The following ANHX variants were observed in gnomAD, a reference collection of about 807,000 sequenced individuals.
The protein encoded by ANHX is anomalous homeobox.
Under a neutral mutation model 38.9 loss-of-function variants are expected in ANHX, and 20 were observed. The ratio of observed to expected loss-of-function variants is 0.51; its 90% CI spans 0.36 to 0.75. The LOEUF (loss-of-function observed/expected upper bound fraction) is 0.75. ANHX is among the 30% of genes least tolerant of loss of function. ANHX has a pLI of 0.00. For synonymous variants in ANHX, 185 were observed against 203.1 expected (o/e 0.91, Z 0.76); for missense variants, 475 against 493.1 (o/e 0.96, Z 0.35).
At position 133,221,088 on chromosome 12, in the gene ANHX, T is replaced by C. The variant is rs1957102632; in HGVS notation, c.1280+117A>G. ...TGGGGACTGTTACAGTTTTCAGCAA[T>C]CCAAAGGAGAGGACCCTATCTGCAC... On this transcript the variant is annotated intron_variant, in intron 8 of 9. Transcript: ENST00000545940. The surrounding 1 kb of genome is among the most constrained non-coding windows in gnomAD (Gnocchi z 4.1). 2 of 1,325,084 alleles carry C rather than the reference T, an allele frequency of 1.5e-6. No homozygotes were observed. Among genetic ancestry groups the C allele is most frequent in the African/African-American group, 3.0e-5 (2 of 67,300 alleles). The allele number at this position is 1,325,084 out of a possible 1,614,324, so 82.1% of individuals were successfully genotyped here. A position where few individuals can be genotyped will look rare whatever the true frequency, so the allele number is the denominator to read the frequency against.
chr12:133,233,077 A>G (rs1344606173), intron 2 of ANHX, among the ~76,000 whole-genome samples: 2 of 152,242 alleles, frequency 1.3e-5, no homozygotes, highest in African/African-American at 4.8e-5. Context: ...GCCAGGCGCC[A>G]GCCTCTAACA....
chr12:133,224,520 G>C (rs1004473793), intron 7 of ANHX, among the ~76,000 whole-genome samples: 1 of 151,216 alleles, frequency 6.6e-6, no homozygotes, highest in Admixed American at 6.6e-5. Flanking sequence ...AAAATTAGCC[G>C]GGCGTGGTGG....
chr12:133,222,496 G>C (rs1957123310), intron 7 of ANHX, among the ~76,000 whole-genome samples: 3 of 152,172 alleles, frequency 2.0e-5, no homozygotes, highest in Non-Finnish European at 4.4e-5. Context: ...CCCCTCACTT[G>C]AGCAGGCTCC....
chr12:133,235,685 C>A (rs1292096973), intron 1 of ANHX, 122 bp downstream of exon 1: 1 of 138,082 alleles, frequency 7.2e-6, no homozygotes, highest in Non-Finnish European at 1.6e-5. Flanking sequence ...CTCCAGGACC[C>A]CCCCCGCCTG....
In ANHX at chr12:133,221,379, A is replaced by G; in HGVS notation, c.1133-27T>C. ...TGCATGTAATGAGATTCCACGGCAC[A>G]CTGGCAGGAGAAAGGAGCAGAGCCC... On this transcript the variant is annotated intron_variant, in intron 7 of 9. Coordinates refer to ENST00000545940, the MANE Select transcript of ANHX (RefSeq NM_001372060.1). This position sits in a 1 kb window ranked among gnomAD's most constrained non-coding sequence, Gnocchi z 4.1. 1 of 1,525,390 alleles carries G rather than the reference A, an allele frequency of 6.6e-7. No homozygotes were observed. Among genetic ancestry groups the G allele is most frequent in the Non-Finnish European group, 8.8e-7 (1 of 1,140,992 alleles). The allele number at this position is 1,525,390 out of a possible 1,614,324, so 94.5% of individuals were successfully genotyped here.
chr12:133,229,761 C>T (rs1957242208), intron 3 of ANHX, among the ~76,000 whole-genome samples: 1 of 152,218 alleles, frequency 6.6e-6, no homozygotes. Flanking sequence ...AATCCAGCAG[C>T]TACCATGGCT....
intron 8 of ANHX, among the ~76,000 whole-genome samples, chr12:133,220,230 C>CT (rs1189666100): frequency 1.3e-5 from 2 of 152,104 alleles, no homozygotes; most frequent in Non-Finnish European, 2.9e-5. Flanking sequence ...AATGAAGCCA[C>CT]TTTTAACGAA....
At chr12:133,219,566 G>A (rs1957080586) in intron 8 of ANHX, among the ~76,000 whole-genome samples, 199 bp from the exon 9 acceptor site, 2 of 152,156 alleles carry the variant, frequency 1.3e-5, no homozygotes, top group Non-Finnish European at 2.9e-5. Flanking sequence ...AGGGTCACCC[G>A]GTGGGTCATA....
intron 1 of ANHX, chr12:133,235,108 C>G (rs572483296): frequency 6.6e-6 from 1 of 152,278 alleles, no homozygotes; most frequent in Non-Finnish European, 1.5e-5. Flanking sequence ...GCGACCTCGT[C>G]TACTCCACCC....
chr12:133,233,958 C>T, intron 2 of ANHX, 150 bp downstream of exon 2: 1 of 992,234 alleles, frequency 1.0e-6, no homozygotes, highest in South Asian at 1.7e-5. Flanking sequence ...TAAAACCTGC[C>T]TCCCAGGTTT....
chr12:133,226,233 G>C (rs1490854707), intron 6 of ANHX, 85 bp downstream of exon 6: 19 of 1,531,010 alleles, frequency 1.2e-5, no homozygotes, highest in Middle Eastern at 1.7e-4. Context: ...TCACCCTTAG[G>C]CCTACTTCAT....
Position 133,221,475 on chromosome 12 carries a change from G to T in ANHX, c.1133-123C>A. On this transcript the variant is annotated intron_variant, in intron 7 of 9. Coordinates refer to ENST00000545940, the MANE Select transcript of ANHX (RefSeq NM_001372060.1). This position sits in a 1 kb window ranked among gnomAD's most constrained non-coding sequence, Gnocchi z 4.1. The stretch of plus-strand genomic sequence containing the variant: ...CTCCGGCCCAGCCAGCCCGCGCCAC[G>T]TGAACCAGACTCACGGTCCCTGGGC... The T allele has an allele frequency of 8.7e-7, 1 of 1,143,672 alleles. No homozygotes were observed. Among genetic ancestry groups the T allele is most frequent in the Non-Finnish European group, 1.2e-6 (1 of 831,098 alleles). 70.8% of individuals were successfully genotyped at this position (1,143,672 alleles called of 1,614,324 possible). A position where few individuals can be genotyped will look rare whatever the true frequency, so the allele number is the denominator to read the frequency against.
rs1358657209 is a variant in ANHX at position 133,221,689 on chromosome 12, A to C, written c.1133-337T>G. Among the ~76,000 whole-genome samples the C allele has an allele frequency of 2.0e-5, 3 of 152,186 alleles. No homozygotes were observed. The highest frequency in any genetic ancestry group is 4.4e-5 in the Non-Finnish European group (3 of 68,028). On this transcript the variant is annotated intron_variant, in intron 7 of 9. Transcript: ENST00000545940. The surrounding 1 kb of genome is among the most constrained non-coding windows in gnomAD (Gnocchi z 4.1). The stretch of plus-strand genomic sequence containing the variant: ...TCCTGCTGGTGCGGAAGGATGTGCC[A>C]GGAGCCCTCAGTCTCCTCTTGTGGC...
At chr12:133,225,308 CAT>C (rs1363843678) in intron 7 of ANHX, among the ~76,000 whole-genome samples, 3 of 143,994 alleles carry the variant, frequency 2.1e-5, no homozygotes, top group Non-Finnish European at 4.5e-5. Context: ...CAGTGATATG[CAT>C]ACATACACAC....
chr12:133,234,558 G>A, intron 1 of ANHX, 180 bp from the exon 2 acceptor site: 2 of 675,784 alleles, frequency 3.0e-6, no homozygotes, highest in Non-Finnish European at 4.9e-6. Context: ...ACACCCTCTA[G>A]AATTTCCTTC....
intron 2 of ANHX, 36 bp from the exon 3 acceptor site, chr12:133,231,680 C>T (rs1024060006): frequency 6.5e-7 from 1 of 1,534,870 alleles, no homozygotes; most frequent in Non-Finnish European, 8.7e-7. Context: ...TGGCCACCTG[C>T]CCACCCTGGA....
intron 1 of ANHX, chr12:133,234,822 C>A (rs867959077): frequency 3.5e-5 from 6 of 170,934 alleles, no homozygotes; most frequent in African/African-American, 1.2e-4. Context: ...ACGCTTGGTC[C>A]TGCATCCACA....
At chr12:133,224,830 G>A (rs1351162142) in intron 7 of ANHX, among the ~76,000 whole-genome samples, 6 of 151,240 alleles carry the variant, frequency 4.0e-5, no homozygotes, top group South Asian at 2.1e-4. Context: ...AGCCAGGCGT[G>A]GTGGCGGGCG....
chr12:133,230,958 C>A (rs1457582435), intron 3 of ANHX, among the ~76,000 whole-genome samples: 1 of 152,180 alleles, frequency 6.6e-6, no homozygotes, highest in African/African-American at 2.4e-5. Context: ...AGGACTACCA[C>A]TTATTTAGTG....
Sources: gnomAD v4.1 joint callset for allele counts (sites outside exome capture counted in the v4.1 genomes callset) on GRCh38, gnomAD v4.1.1 for gene constraint, Gnocchi (gnomAD v3.1) non-coding constraint, MANE v1.5 for transcripts, NCBI Gene and HGNC (gene_info 2026-07-23, HGNC 2026-07-21) for gene names.